The following PCDH15 variants were observed in gnomAD, a reference collection of about 807,000 sequenced individuals.
PCDH15 encodes the protein protocadherin-15.
Under a neutral mutation model 178.5 loss-of-function variants are expected in PCDH15, and 129 were observed. The observed-to-expected ratio is 0.72, with a 90% CI of 0.63 to 0.84. PCDH15 has a LOEUF of 0.84. Ranked by LOEUF, PCDH15 falls within the 40% of genes least tolerant of loss-of-function variation. The pLI is 0.00. For missense variants in PCDH15, 2,230 were observed against 2,099.9 expected (o/e 1.06, Z -1.21); for synonymous variants, 800 against 732.0 (o/e 1.09, Z -1.50).
At chr10:55,264,479 A>C (rs888807977) in intron 1 of PCDH15, among the ~76,000 whole-genome samples, 3 of 152,156 alleles carry the variant, frequency 2.0e-5, no homozygotes, top group African/African-American at 4.8e-5. Context: ...GTATCACATC[A>C]GTACTTATGG....
At chr10:55,238,753 G>C (rs1841462611) in intron 1 of PCDH15, among the ~76,000 whole-genome samples, 1 of 151,464 alleles carries the variant, frequency 6.6e-6, no homozygotes, top group Non-Finnish European at 1.5e-5. Flanking sequence ...CATAATCATT[G>C]TATGTATCTA....
intron 2 of PCDH15, among the ~76,000 whole-genome samples, chr10:54,581,034 T>C (rs1276991180): frequency 6.6e-6 from 1 of 152,006 alleles, no homozygotes. Flanking sequence ...CCTTGAGAAC[T>C]GGAACAAAGC....
intron 2 of PCDH15, among the ~76,000 whole-genome samples, chr10:55,382,406 A>C (rs547277658): frequency 6.6e-6 from 1 of 152,298 alleles, no homozygotes; most frequent in Non-Finnish European, 1.5e-5. Context: ...GGAGACTGTG[A>C]AGTCTAAGTG....
chr10:53,926,303 G>T (rs1441106094), intron 25 of PCDH15, among the ~76,000 whole-genome samples: 2 of 152,128 alleles, frequency 1.3e-5, no homozygotes, highest in Non-Finnish European at 1.5e-5. Flanking sequence ...ACTGCAAGCA[G>T]TTAATCTTCC....
At chr10:53,932,123 C>A (rs1046541918) in intron 25 of PCDH15, among the ~76,000 whole-genome samples, 15 of 152,218 alleles carry the variant, frequency 9.9e-5, no homozygotes. Context: ...CACTGGTATG[C>A]TTTTCTTCAG....
chr10:54,938,128 T>A (rs1349338862), intron 2 of PCDH15, among the ~76,000 whole-genome samples: 2 of 152,096 alleles, frequency 1.3e-5, no homozygotes, highest in African/African-American at 4.8e-5. Flanking sequence ...TATTCAGTTG[T>A]TAAACTATCA....
At chr10:53,970,167 C>T (rs143557007) in intron 21 of PCDH15, among the ~76,000 whole-genome samples, 7,322 of 151,620 alleles carry the variant, frequency 0.048, 262 homozygotes, top group Middle Eastern at 0.16. Context: ...GAAGATCTAC[C>T]AAGCAAATGG....
intron 13 of PCDH15, among the ~76,000 whole-genome samples, chr10:54,159,108 CA>C (rs34942409): frequency 1.7e-3 from 219 of 125,592 alleles, no homozygotes; most frequent in Middle Eastern, 4.3e-3. Flanking sequence ...GAGTCTGTCT[CA>C]AAAAAAAAAA....
chr10:55,283,042 A>G (rs1842771510), intron 1 of PCDH15, among the ~76,000 whole-genome samples: 2 of 152,188 alleles, frequency 1.3e-5, no homozygotes, highest in South Asian at 4.1e-4. Context: ...TTGCAGGGCT[A>G]ACAAATTAGC....
intron 3 of PCDH15, among the ~76,000 whole-genome samples, chr10:54,513,065 T>C (rs1017009709): frequency 1.3e-5 from 2 of 151,996 alleles, no homozygotes; most frequent in African/African-American, 4.8e-5. Flanking sequence ...GTTATCTGAA[T>C]AATCAGATTT....
chr10:54,896,792 G>A lies in PCDH15; in HGVS notation c.-29+658C>T, dbSNP rs192137413. On this transcript the variant is annotated intron_variant, in intron 3 of 5. Transcript: ENST00000458638. Reference sequence around the variant, plus strand: ...TGAATTGGCATATCCAAATGCTTTCGTTGTTAAATGCAATATTTTCCCCTA... The same window carrying A: ...TGAATTGGCATATCCAAATGCTTTCATTGTTAAATGCAATATTTTCCCCTA... Among the ~76,000 whole-genome samples the A allele has an allele frequency of 1.5e-4, 23 of 151,958 alleles. No individual in the cohort carries two copies. In the East Asian group the frequency reaches 3.3e-3, roughly 22 times the overall value.
At chr10:54,756,474 C>T (rs1591474610) in intron 1 of PCDH15, among the ~76,000 whole-genome samples, 1 of 152,130 alleles carries the variant, frequency 6.6e-6, no homozygotes, top group East Asian at 1.9e-4. Flanking sequence ...GACTTTTCTT[C>T]CATCAATATA....
intron 21 of PCDH15, among the ~76,000 whole-genome samples, chr10:53,981,209 A>C (rs998437187): frequency 6.6e-6 from 1 of 152,212 alleles, no homozygotes; most frequent in African/African-American, 2.4e-5. Context: ...GAATAATAAG[A>C]TTTCAATTAT....
intron 2 of PCDH15, among the ~76,000 whole-genome samples, chr10:55,497,868 T>A (rs115814981): frequency 6.6e-6 from 1 of 151,902 alleles, no homozygotes; most frequent in African/African-American, 2.4e-5. Flanking sequence ...AGTGGAAAGA[T>A]GTGAAATGGA....
At position 54,655,731 on chromosome 10, in the gene PCDH15, A is replaced by T. The variant is rs1267028684; in HGVS notation, c.91+8441T>A. 2.6e-5 allele frequency: 4 copies of T among 152,262 alleles called. 1 individual carries two copies. The highest frequency in any genetic ancestry group is 5.9e-5 in the Non-Finnish European group (4 of 68,016). 9.4% of individuals were successfully genotyped at this position (152,262 alleles called of 1,614,324 possible). A position where few individuals can be genotyped will look rare whatever the true frequency, so the allele number is the denominator to read the frequency against. Reference sequence around the variant, plus strand: ...AAGCAGGAAAAGATATATGCTTTCAAACTGTTATCCTACAACCAAATCCAT... The same window carrying T: ...AAGCAGGAAAAGATATATGCTTTCATACTGTTATCCTACAACCAAATCCAT... On this transcript the variant is annotated intron_variant, in intron 2 of 37. Coordinates refer to ENST00000644397, the MANE Select transcript of PCDH15 (RefSeq NM_001384140.1).
chr10:55,547,379 G>A (rs1387543467), intron 2 of PCDH15, among the ~76,000 whole-genome samples: 1 of 152,118 alleles, frequency 6.6e-6, no homozygotes, highest in Non-Finnish European at 1.5e-5. Flanking sequence ...GTGTAACTCA[G>A]GTGAAAGAGA....
intron 2 of PCDH15, among the ~76,000 whole-genome samples, chr10:55,126,188 T>C (rs1409379364): frequency 2.6e-5 from 4 of 152,048 alleles, no homozygotes; most frequent in Non-Finnish European, 5.9e-5. Flanking sequence ...CTGCTCTGCT[T>C]CTTCTCTCAC....
At chr10:54,673,034 T>C (rs1488079273) in intron 1 of PCDH15, among the ~76,000 whole-genome samples, 1 of 152,162 alleles carries the variant, frequency 6.6e-6, no homozygotes, top group African/African-American at 2.4e-5. Flanking sequence ...TAAATCTGCT[T>C]GCATTTAAAC....
chr10:54,992,932 G>T (rs188393089), intron 2 of PCDH15, among the ~76,000 whole-genome samples: 1 of 152,248 alleles, frequency 6.6e-6, no homozygotes, highest in South Asian at 2.1e-4. Flanking sequence ...AAAAGATAAT[G>T]TTTGCTGCTC....
Sources: allele counts gnomAD v4.1 joint callset (sites outside exome capture counted in the v4.1 genomes callset), GRCh38; gene constraint gnomAD v4.1.1; transcripts MANE v1.5; gene names NCBI Gene and HGNC (gene_info 2026-07-23, HGNC 2026-07-21).